Variants in PCK2 observed in about 807,000 individuals in gnomAD.
PCK2 encodes phosphoenolpyruvate carboxykinase [GTP], mitochondrial.
In PCK2, 56 loss-of-function variants were observed where a neutral mutation model predicts 65.9. The observed-to-expected ratio is 0.85, with a 90% CI of 0.69 to 1.06. The LOEUF is 1.06. PCK2 is among the 50% of genes least tolerant of loss of function. The pLI, the probability that PCK2 is intolerant of heterozygous loss-of-function variation, is 0.00. For missense variants in PCK2, 843 were observed against 863.1 expected, an observed-to-expected ratio of 0.98 and a Z score of 0.29; for synonymous variants, 305 against 319.6, an observed-to-expected ratio of 0.95 and a Z score of 0.49.
In PCK2 at chr14:24,099,650, G is replaced by A. The variant is rs749278970; in HGVS notation, c.945G>A (p.Arg315=). ...ACGKTNLAMM[R]PALPGWKVEC... ...GCAAGACCAACCTGGCTATGATGCGGCCTGCACTGCCAGGCTGGAAAGTGG... is the reference window on the plus strand; with the variant it reads ...GCAAGACCAACCTGGCTATGATGCGACCTGCACTGCCAGGCTGGAAAGTGG... The change falls in exon 6 of 10, where the codon CGG becomes CGA. Residue 315 remains arginine (R), a synonymous_variant. Coordinates refer to ENST00000216780, the MANE Select transcript of PCK2 (RefSeq NM_004563.4). 6.2e-7 allele frequency: 1 copy of A among 1,614,000 alleles called. No individual in the cohort carries two copies. Among genetic ancestry groups the A allele is most frequent in the Non-Finnish European group, 8.5e-7 (1 of 1,179,842 alleles).
At position 24,103,902 on chromosome 14, in the gene PCK2, G is replaced by A. The variant is rs773009608; in HGVS notation, c.1861G>A (p.Asp621Asn). The stretch of plus-strand genomic sequence containing the variant: ...CTACCTGACAGAGCAGGTCAACCAG[G>A]ATCTGCCCAAAGAGGTGTTGGCTGA... ...RSYLTEQVNQ[D>N]LPKEVLAELE... The change falls in exon 10 of 10, where the codon GAT (aspartate) becomes AAT (asparagine). Residue 621 changes from aspartate to asparagine, a missense_variant. Coordinates refer to ENST00000216780, the MANE Select transcript of PCK2 (RefSeq NM_004563.4). 3 of 1,614,052 alleles carry A rather than the reference G, an allele frequency of 1.9e-6. No homozygotes were observed. The highest frequency in any genetic ancestry group is 2.5e-6 in the Non-Finnish European group (3 of 1,180,032).
chr14:24,100,510 C>A, intron 7 of PCK2: 3 of 818,912 alleles, frequency 3.7e-6, no homozygotes, highest in Non-Finnish European at 3.4e-6. Context: ...TTAAATAGTG[C>A]ATAAAAAGGG....
chr14:24,094,909 T>C lies in PCK2; in HGVS notation c.29+475T>C, dbSNP rs905011823. 9.5e-6 allele frequency: 11 copies of C among 1,159,774 alleles called. No individual in the cohort carries two copies. Among genetic ancestry groups the C allele is most frequent in the Non-Finnish European group, 1.3e-5 (11 of 872,454 alleles). 71.8% of individuals were successfully genotyped at this position (1,159,774 alleles called of 1,614,324 possible). On this transcript the variant is annotated intron_variant, in intron 1 of 9. Coordinates refer to ENST00000216780, the MANE Select transcript of PCK2 (RefSeq NM_004563.4). This position sits in a 1 kb window ranked among gnomAD's most constrained non-coding sequence, Gnocchi z 4.1. ...AAGAAGGTGGAAGGTTAAATATCCA[T>C]TCCCGGCCTCTCCCGGACTGGAAGG...
In PCK2 at chr14:24,099,211, A is replaced by G. The variant is rs2037045766; in HGVS notation, c.827A>G (p.Glu276Gly). The G allele has an allele frequency of 6.3e-7, 1 of 1,599,064 alleles. No individual in the cohort carries two copies. The highest frequency in any genetic ancestry group is 1.7e-4 in the Middle Eastern group (1 of 6,026). The change falls in exon 5 of 10, where the codon GAG (glutamate) becomes GGG (glycine). Residue 276 changes from glutamate to glycine, a missense_variant. Coordinates refer to ENST00000216780, the MANE Select transcript of PCK2 (RefSeq NM_004563.4). ...LRIASRLARDEGWLAEHMLIL... is the reference protein window; with the variant it reads ...LRIASRLARDGGWLAEHMLIL... Reference sequence around the variant, plus strand: ...ATCGCCTCTCGGCTGGCCCGGGATGAGGGCTGGCTGGCAGAGCACATGCTG... The same window carrying G: ...ATCGCCTCTCGGCTGGCCCGGGATGGGGGCTGGCTGGCAGAGCACATGCTG...
intron 9 of PCK2, 61 bp from the exon 10 acceptor site, chr14:24,103,449 G>C (rs545036803): frequency 7.1e-7 from 1 of 1,406,250 alleles, no homozygotes; most frequent in East Asian, 2.3e-5. Flanking sequence ...ACTGGATGCA[G>C]GGTGCCCTTC....
intron 2 of PCK2, among the ~76,000 whole-genome samples, chr14:24,097,389 GAAA>G (rs529973280): frequency 8.4e-6 from 1 of 118,690 alleles, no homozygotes. Context: ...CGTCTCTACT[GAAA>G]AAAAAAAAAA....
At chr14:24,100,444 C>A in intron 7 of PCK2, 2 of 984,752 alleles carry the variant, frequency 2.0e-6, no homozygotes, top group Non-Finnish European at 2.9e-6. Context: ...TTAGTTTCCA[C>A]ATCAGTTGAA....
chr14:24,099,152 CT>C lies in PCK2; in HGVS notation c.769del (p.Ser257ProfsTer28). 1 of 1,611,510 alleles carries C rather than the reference CT, an allele frequency of 6.2e-7. No homozygotes were observed. Among genetic ancestry groups the C allele is most frequent in the Non-Finnish European group, 8.5e-7 (1 of 1,179,786 alleles). On this transcript the variant is annotated frameshift_variant, in exon 5 of 10. Transcript: ENST00000216780. LOFTEE classifies it high-confidence loss of function. The part of the protein sequence containing the change: ...ISFGSGYGGN[S>X]LLGKKCFALR... ...CCTTCGGCAGCGGCTATGGTGGCAA[CT>C]CCCTGCTGGGCAAGAAGTGCTTTGC... is the stretch of plus-strand genomic sequence containing the variant.
rs965430964 is a variant in PCK2 at position 24,094,975 on chromosome 14, T to A, written c.29+541T>A. The A allele has an allele frequency of 1.8e-5, 13 of 718,358 alleles. No homozygotes were observed. The highest frequency in any genetic ancestry group is 7.7e-5 in the South Asian group (5 of 64,922). 44.5% of individuals were successfully genotyped at this position (718,358 alleles called of 1,614,324 possible). On this transcript the variant is annotated intron_variant, in intron 1 of 9. Coordinates refer to ENST00000216780, the MANE Select transcript of PCK2 (RefSeq NM_004563.4). This position sits in a 1 kb window ranked among gnomAD's most constrained non-coding sequence, Gnocchi z 4.1. ...GAAGTCCAGAGCAGCCCGAGGGACC[T>A]GGGCCCAGGGGAGGGAGGCAAGCAA...
At position 24,103,850 on chromosome 14, in the gene PCK2, G is replaced by A; in HGVS notation, c.1809G>A (p.Trp603Ter). Reference sequence around the variant, plus strand: ...TGTTCTCCCTCCCCAAGGACTTCTGGGAACAGGAGGTTCGTGACATTCGGA... The same window carrying A: ...TGTTCTCCCTCCCCAAGGACTTCTGAGAACAGGAGGTTCGTGACATTCGGA... ...TQLFSLPKDF[W>*]EQEVRDIRSY... The change falls in exon 10 of 10, where the codon TGG becomes TGA. Residue 603 changes from tryptophan (W) to a stop codon, truncating the protein, a stop_gained. Transcript: ENST00000216780. LOFTEE classifies it high-confidence loss of function. 6.2e-7 allele frequency: 1 copy of A among 1,614,080 alleles called. No individual in the cohort carries two copies. Among genetic ancestry groups the A allele is most frequent in the Non-Finnish European group, 8.5e-7 (1 of 1,179,990 alleles).
At position 24,103,698 on chromosome 14, in the gene PCK2, C is replaced by CG. The variant is rs1566582300; in HGVS notation, c.1660dup (p.Val554GlyfsTer56). Reference sequence around the variant, plus strand: ...GTGGCCAGGCTTTGGGGAGAATGCTCGGGTGCTAGACTGGATCTGCCGGCG... The same window carrying CG: ...GTGGCCAGGCTTTGGGGAGAATGCTCGGGGTGCTAGACTGGATCTGCCGGCG... On this transcript the variant is annotated frameshift_variant, in exon 10 of 10. Coordinates refer to ENST00000216780, the MANE Select transcript of PCK2 (RefSeq NM_004563.4). LOFTEE classifies it high-confidence loss of function. The CG allele has an allele frequency of 6.2e-7, 1 of 1,614,158 alleles. No homozygotes were observed. Among genetic ancestry groups the CG allele is most frequent in the East Asian group, 2.2e-5 (1 of 44,876 alleles).
chr14:24,102,664 AG>A, intron 7 of PCK2, 88 bp from the exon 8 acceptor site: 6 of 1,152,100 alleles, frequency 5.2e-6, no homozygotes, highest in South Asian at 1.5e-5. Flanking sequence ...AAAAAAAAAA[AG>A]AACCCTGCAA....
chr14:24,102,078 A>G (rs1356865022), intron 7 of PCK2, among the ~76,000 whole-genome samples: 1 of 151,984 alleles, frequency 6.6e-6, no homozygotes, highest in East Asian at 1.9e-4. Flanking sequence ...ATACAAAAAA[A>G]TCAGCCAGGC....
chr14:24,103,655 C>G lies in PCK2; in HGVS notation c.1614C>G (p.Asp538Glu). The G allele has an allele frequency of 6.2e-7, 1 of 1,614,170 alleles. No individual in the cohort carries two copies. Among genetic ancestry groups the G allele is most frequent in the South Asian group, 1.1e-5 (1 of 91,080 alleles). The change falls in exon 10 of 10, where the codon GAC becomes GAG. Residue 538 changes from aspartate to glutamate, a missense_variant. Transcript: ENST00000216780. ...TCCATGTCAACTGGTTCCGGCGTGACGAGGCAGGGCACTTCCTGTGGCCAG... is the reference window on the plus strand; with the variant it reads ...TCCATGTCAACTGGTTCCGGCGTGAGGAGGCAGGGCACTTCCTGTGGCCAG... ...RIFHVNWFRR[D>E]EAGHFLWPGF...
chr14:24,098,582 A>C lies in PCK2; in HGVS notation c.568A>C (p.Ile190Leu). 6.2e-7 allele frequency: 1 copy of C among 1,614,158 alleles called. No homozygotes were observed. The highest frequency in any genetic ancestry group is 8.5e-7 in the Non-Finnish European group (1 of 1,180,018). The change falls in exon 4 of 10, where the codon ATT (isoleucine) becomes CTT (leucine). Residue 190 changes from isoleucine to leucine, a missense_variant. Transcript: ENST00000216780. ...AGCCTATGTGGTGGCAAGCATGCGTATTATGACCCGACTGGGGACACCTGT... is the reference window on the plus strand; with the variant it reads ...AGCCTATGTGGTGGCAAGCATGCGTCTTATGACCCGACTGGGGACACCTGT... ...DSAYVVASMR[I>L]MTRLGTPVLQ...
chr14:24,099,188 C>A lies in PCK2; in HGVS notation c.804C>A (p.Ile268=), dbSNP rs140662988. The change falls in exon 5 of 10, where the codon ATC becomes ATA. Residue 268 remains isoleucine (I), a synonymous_variant. Coordinates refer to ENST00000216780, the MANE Select transcript of PCK2 (RefSeq NM_004563.4). ...GCAAGAAGTGCTTTGCCCTACGCATCGCCTCTCGGCTGGCCCGGGATGAGG... is the reference window on the plus strand; with the variant it reads ...GCAAGAAGTGCTTTGCCCTACGCATAGCCTCTCGGCTGGCCCGGGATGAGG... ...LLGKKCFALR[I]ASRLARDEGW... is the part of the protein sequence containing the mutation. 3.1e-6 allele frequency: 5 copies of A among 1,605,668 alleles called. No homozygotes were observed. In the African/African-American group the frequency reaches 5.3e-5, roughly 17 times the overall value.
In PCK2 at chr14:24,103,174, T is replaced by C. The variant is rs1693844847; in HGVS notation, c.1387T>C (p.Tyr463His). The C allele has an allele frequency of 1.2e-6, 2 of 1,613,618 alleles. No homozygotes were observed. Among genetic ancestry groups the C allele is most frequent in the Non-Finnish European group, 8.5e-7 (1 of 1,179,512 alleles). The change falls in exon 9 of 10, where the codon TAC becomes CAC. Residue 463 changes from tyrosine to histidine, a missense_variant. Tyr to His is a moderately conservative substitution (Grantham distance 83). Coordinates refer to ENST00000216780, the MANE Select transcript of PCK2 (RefSeq NM_004563.4). ...GRRPKGVPLV[Y>H]EAFNWRHGVF... Reference sequence around the variant, plus strand: ...TGGTGATCTAGGGGTACCCCTGGTATACGAGGCCTTCAACTGGCGTCATGG... The same window carrying C: ...TGGTGATCTAGGGGTACCCCTGGTACACGAGGCCTTCAACTGGCGTCATGG...
chr14:24,099,876 T>C, intron 6 of PCK2, 119 bp from the exon 7 acceptor site: 1 of 1,587,620 alleles, frequency 6.3e-7, no homozygotes, highest in Non-Finnish European at 8.6e-7. Context: ...AGAGACAGCC[T>C]TTCCTCATCA....
At chr14:24,099,967 C>A in intron 6 of PCK2, 28 bp from the exon 7 acceptor site, 1 of 1,613,994 alleles carries the variant, frequency 6.2e-7, no homozygotes, top group Non-Finnish European at 8.5e-7. Flanking sequence ...CTTGTTTGGT[C>A]CTTCCTTTCT....
Sources: allele counts gnomAD v4.1 joint callset (sites outside exome capture counted in the v4.1 genomes callset), GRCh38; gene constraint gnomAD v4.1.1; non-coding constraint Gnocchi (gnomAD v3.1); transcripts MANE v1.5; gene names NCBI Gene and HGNC (gene_info 2026-07-23, HGNC 2026-07-21).